The following NRG1 variants were observed in gnomAD, a reference collection of about 807,000 sequenced individuals.
NRG1 encodes neuregulin 1.
Under a neutral mutation model 63.8 loss-of-function variants are expected in NRG1, and 18 were observed. That is an observed-to-expected ratio of 0.28 (90% CI 0.19 to 0.42). NRG1 has a LOEUF of 0.42. Among genes scored for constraint, NRG1 ranks in the 10% least tolerant of loss-of-function variants. The pLI is 1.00. For missense variants in NRG1, 762 were observed against 814.7 expected (o/e 0.94, Z 0.79); for synonymous variants, 302 against 301.3 (o/e 1.00, Z -0.02).
At chr8:32,773,727 A>G (rs1467235088) in intron 7 of NRG1, among the ~76,000 whole-genome samples, 1 of 152,156 alleles carries the variant, frequency 6.6e-6, no homozygotes, top group Non-Finnish European at 1.5e-5. Context: ...ACATCATGCT[A>G]GAAGACTGTG....
intron 1 of NRG1, among the ~76,000 whole-genome samples, chr8:32,295,431 A>G (rs892773492): frequency 6.6e-6 from 1 of 152,158 alleles, no homozygotes; most frequent in Non-Finnish European, 1.5e-5. Context: ...AATAATCTCT[A>G]CTACTTGCTT....
At position 32,722,159 on chromosome 8, in the gene NRG1, A is replaced by G. The variant is rs548525263; in HGVS notation, c.503-5790A>G. 7.1e-6 allele frequency: 6 copies of G among 842,270 alleles called. No homozygotes were observed. In the Admixed American group the frequency reaches 1.7e-4, roughly 23 times the overall value. 52.2% of individuals were successfully genotyped at this position (842,270 alleles called of 1,614,324 possible). On this transcript the variant is annotated intron_variant, in intron 5 of 11. Coordinates refer to ENST00000356819, the Ensembl canonical transcript of NRG1. ...AGAGTTATTTGGTTTAATTTTCTGTAAGTAACTCGTAAAGAATTGTCCTAA... is the reference window on the plus strand; with the variant it reads ...AGAGTTATTTGGTTTAATTTTCTGTGAGTAACTCGTAAAGAATTGTCCTAA...
chr8:32,691,328 G>A (rs933528487), intron 5 of NRG1, among the ~76,000 whole-genome samples: 1 of 152,102 alleles, frequency 6.6e-6, no homozygotes, highest in African/African-American at 2.4e-5. Context: ...ACTCCAGCCT[G>A]GGCAACAGTG....
rs1554539613 is a variant in NRG1 at position 31,809,741 on chromosome 8, G to GGTT, written c.37+170310_37+170311insGTT. The stretch of plus-strand genomic sequence containing the variant: ...TTTTTTTCTACTCCTTCTATTAATT[G>GGTT]TTTTTTTTTTTTTTTTTTTTTGAGA... On this transcript the variant is annotated intron_variant, in intron 1 of 10. Transcript: ENST00000519301. Among the ~76,000 whole-genome samples, 23 of 68,028 alleles carry GGTT rather than the reference G, an allele frequency of 3.4e-4. 1 individual carries two copies. The highest frequency in any genetic ancestry group is 2.7e-3 in the South Asian group (5 of 1,876). The allele number at this position is 68,028 out of a possible 152,430, so 44.6% of individuals were successfully genotyped here.
intron 5 of NRG1, among the ~76,000 whole-genome samples, chr8:32,669,828 A>G (rs1805162734): frequency 6.6e-6 from 1 of 152,198 alleles, no homozygotes; most frequent in Admixed American, 6.6e-5. Flanking sequence ...TCATTTGGAA[A>G]TAGTCTTTCT....
At chr8:32,031,038 A>G (rs559014738) in intron 1 of NRG1, among the ~76,000 whole-genome samples, 1 of 152,296 alleles carries the variant, frequency 6.6e-6, no homozygotes, top group African/African-American at 2.4e-5. Flanking sequence ...TAAAGGCTAC[A>G]AGAAGAACTG....
intron 2 of NRG1, among the ~76,000 whole-genome samples, chr8:32,598,664 G>A (rs2439286): frequency 0.16 from 23,612 of 151,992 alleles, 2,372 homozygotes; most frequent in African/African-American, 0.29. Flanking sequence ...TAAATCACTC[G>A]CAGCAAAGCA....
At chr8:31,701,435 G>T (rs933705322) in intron 1 of NRG1, among the ~76,000 whole-genome samples, 1 of 151,994 alleles carries the variant, frequency 6.6e-6, no homozygotes, top group East Asian at 1.9e-4. Context: ...TACATATTCC[G>T]AACTTAATTC....
At chr8:32,079,470 T>C (rs1442734941) in intron 1 of NRG1, among the ~76,000 whole-genome samples, 1 of 152,192 alleles carries the variant, frequency 6.6e-6, no homozygotes, top group African/African-American at 2.4e-5. Flanking sequence ...AAACTAATAC[T>C]AATTAACTTA....
chr8:31,809,080 C>G (rs1822577095), intron 1 of NRG1, among the ~76,000 whole-genome samples: 1 of 151,860 alleles, frequency 6.6e-6, no homozygotes, highest in Non-Finnish European at 1.5e-5. Flanking sequence ...TGAAGACATT[C>G]AATATTTGTT....
intron 1 of NRG1, among the ~76,000 whole-genome samples, chr8:32,224,802 A>C (rs1212920315): frequency 6.6e-6 from 1 of 152,214 alleles, no homozygotes; most frequent in Non-Finnish European, 1.5e-5. Context: ...GACATTTGCT[A>C]TCTGCCTGAT....
chr8:32,259,999 A>G (rs1226784407), intron 1 of NRG1, among the ~76,000 whole-genome samples: 2 of 152,156 alleles, frequency 1.3e-5, no homozygotes, highest in Non-Finnish European at 1.5e-5. Context: ...TAAATTGTTC[A>G]TAAGCTCCAA....
At chr8:32,728,162 T>C in intron 6 of NRG1, 84 bp downstream of exon 6, 8 of 1,566,084 alleles carry the variant, frequency 5.1e-6, no homozygotes, top group Non-Finnish European at 5.2e-6. Context: ...ATTGTTGCTT[T>C]TTTTCCAATT....
At chr8:32,389,043 G>T (rs1811387447) in intron 1 of NRG1, among the ~76,000 whole-genome samples, 1 of 152,054 alleles carries the variant, frequency 6.6e-6, no homozygotes, top group Admixed American at 6.5e-5. Flanking sequence ...AAATATAAAG[G>T]GTGTTTTATT....
intron 2 of NRG1, among the ~76,000 whole-genome samples, chr8:32,597,578 A>T (rs1187664043): frequency 6.6e-6 from 1 of 152,126 alleles, no homozygotes; most frequent in Non-Finnish European, 1.5e-5. Flanking sequence ...TTTTTACATT[A>T]TTCCAATATG....
At chr8:32,073,852 T>G (rs80231060) in intron 1 of NRG1, among the ~76,000 whole-genome samples, 3,178 of 152,284 alleles carry the variant, frequency 0.021, 40 homozygotes, top group South Asian at 0.039. Flanking sequence ...AGAAAGTTAT[T>G]TTTTTCATGT....
At chr8:32,263,000 C>A (rs1233755343) in intron 1 of NRG1, among the ~76,000 whole-genome samples, 1 of 152,078 alleles carries the variant, frequency 6.6e-6, no homozygotes, top group Non-Finnish European at 1.5e-5. Context: ...CTCTTCTAGG[C>A]TACTTGTTAA....
At chr8:32,076,912 T>G (rs1385942684) in intron 1 of NRG1, among the ~76,000 whole-genome samples, 1 of 152,168 alleles carries the variant, frequency 6.6e-6, no homozygotes, top group East Asian at 1.9e-4. Context: ...CACAGAATGT[T>G]AGATATAAAA....
chr8:32,378,142 G>A (rs1319540130), intron 1 of NRG1, among the ~76,000 whole-genome samples: 2 of 152,080 alleles, frequency 1.3e-5, no homozygotes, highest in East Asian at 1.9e-4. Context: ...AGATATTTAG[G>A]AGGTCAGTTG....
Sources: gnomAD v4.1 joint callset for allele counts (sites outside exome capture counted in the v4.1 genomes callset) on GRCh38, gnomAD v4.1.1 for gene constraint, MANE v1.5 for transcripts, NCBI Gene and HGNC (gene_info 2026-07-23, HGNC 2026-07-21) for gene names.